The following ANKRD12 variants were observed in gnomAD, a reference collection of about 807,000 sequenced individuals.
ANKRD12 encodes the protein ankyrin repeat domain 12.
A neutral mutation model predicts 183.4 loss-of-function variants in ANKRD12; 85 were observed. The ratio of observed to expected loss-of-function variants is 0.46; its 90% CI spans 0.39 to 0.56. The LOEUF (loss-of-function observed/expected upper bound fraction) is 0.56, where lower values mean the gene tolerates loss of function less well. Ranked by LOEUF, ANKRD12 falls within the 20% of genes least tolerant of loss-of-function variation. ANKRD12 has a pLI of 0.00. For missense variants in ANKRD12, 2,405 were observed against 2,357.1 expected, an observed-to-expected ratio of 1.02 and a Z score of -0.42; for synonymous variants, 914 against 800.2, an observed-to-expected ratio of 1.14 and a Z score of -2.40.
In ANKRD12 at chr18:9,205,306, C is replaced by T. The variant is rs188041708; in HGVS notation, c.304+762C>T. ...ATTGGCTAACATTGTTATCTCTGAG[C>T]TTAAATAAAAATATGATTTTTTTTT... On this transcript the variant is annotated intron_variant, in intron 4 of 12. Coordinates refer to ENST00000262126, the MANE Select transcript of ANKRD12 (RefSeq NM_015208.5). Among the ~76,000 whole-genome samples, 967 of 128,832 alleles carry T rather than the reference C, an allele frequency of 7.5e-3. 7 individuals are homozygous for T. Among genetic ancestry groups the T allele is most frequent in the Middle Eastern group, 0.02 (5 of 252 alleles). The allele number at this position is 128,832 out of a possible 152,430, so 84.5% of individuals were successfully genotyped here.
Position 9,284,056 on chromosome 18 carries a change from T to C in ANKRD12, c.*2930T>C, listed in dbSNP as rs995721165. The C allele has an allele frequency of 1.3e-5, 2 of 152,224 alleles. No individual in the cohort carries two copies. Among genetic ancestry groups the C allele is most frequent in the African/African-American group, 4.8e-5 (2 of 41,438 alleles). 9.4% of individuals were successfully genotyped at this position (152,224 alleles called of 1,614,324 possible). ...AAAGTTTTGTTTATACTATATTAAG[T>C]GTGCAATAGCATTATGTCTAAAAAT... On this transcript the variant is annotated 3_prime_UTR_variant, in exon 13 of 13. Transcript: ENST00000262126.
At chr18:9,161,802 A>C (rs1407637419) in intron 1 of ANKRD12, among the ~76,000 whole-genome samples, 7 of 151,952 alleles carry the variant, frequency 4.6e-5, no homozygotes, top group Non-Finnish European at 8.8e-5. Flanking sequence ...CAAGCTAATT[A>C]ACACATTCAT....
intron 3 of ANKRD12, among the ~76,000 whole-genome samples, chr18:9,196,108 AACACACACACACACACACACACAC>A (rs36156556): frequency 3.1e-5 from 2 of 64,110 alleles, no homozygotes; most frequent in Admixed American, 1.8e-4. Context: ...GAAACATGCA[AACACACACACACACACACACACAC>A]ACACACACAC....
chr18:9,151,421 C>G (rs1370601096), intron 1 of ANKRD12, among the ~76,000 whole-genome samples: 1 of 152,094 alleles, frequency 6.6e-6, no homozygotes, highest in Admixed American at 6.5e-5. Flanking sequence ...ATTTAAGAAG[C>G]AGAATTTTGG....
At chr18:9,275,348 C>T (rs1190309447) in intron 10 of ANKRD12, among the ~76,000 whole-genome samples, 176 bp from the exon 11 acceptor site, 2 of 152,066 alleles carry the variant, frequency 1.3e-5, no homozygotes, top group African/African-American at 4.8e-5. Context: ...TGGCACATGC[C>T]TGTAGTCCCA....
intron 1 of ANKRD12, among the ~76,000 whole-genome samples, chr18:9,160,053 T>G (rs1029234699): frequency 5.3e-5 from 8 of 152,102 alleles, no homozygotes; most frequent in Admixed American, 2.0e-4. Context: ...GCAGATCACT[T>G]GAGCTCAGGA....
intron 8 of ANKRD12, among the ~76,000 whole-genome samples, chr18:9,234,029 T>G (rs1192905221): frequency 2.0e-5 from 3 of 151,418 alleles, no homozygotes; most frequent in Non-Finnish European, 4.4e-5. Flanking sequence ...AATGCTGGTG[T>G]TGGCAGTGGC....
intron 10 of ANKRD12, among the ~76,000 whole-genome samples, chr18:9,265,469 A>T (rs2039235113): frequency 6.6e-6 from 1 of 152,170 alleles, no homozygotes; most frequent in African/African-American, 2.4e-5. Context: ...GCTGTTCACC[A>T]ATATCTGCTG....
chr18:9,138,813 T>C (rs1041262554), intron 1 of ANKRD12, among the ~76,000 whole-genome samples: 4 of 152,224 alleles, frequency 2.6e-5, no homozygotes, highest in Non-Finnish European at 5.9e-5. Context: ...CTGGAGATTA[T>C]AGACAAGGGG....
intron 1 of ANKRD12, among the ~76,000 whole-genome samples, chr18:9,144,125 G>C (rs1352255985): frequency 6.6e-6 from 1 of 151,946 alleles, no homozygotes; most frequent in Non-Finnish European, 1.5e-5. Context: ...ATCATATCCT[G>C]TGGCCATTTT....
rs200916960 is a variant in ANKRD12 at position 9,256,729 on chromosome 18, A to G, written c.3462A>G (p.Lys1154=). The change falls in exon 9 of 13, where the codon AAA becomes AAG. Residue 1154 remains lysine (K), a synonymous_variant. Transcript: ENST00000262126. ...SEVTDAYTKE[K]QPKDAVSNRS... is the part of the protein sequence containing the mutation. ...TGACTGATGCATATACCAAGGAGAAACAACCTAAAGATGCTGTAAGTAACA... is the reference window on the plus strand; with the variant it reads ...TGACTGATGCATATACCAAGGAGAAGCAACCTAAAGATGCTGTAAGTAACA... 8.1e-6 allele frequency: 13 copies of G among 1,611,960 alleles called. No homozygotes were observed. Among genetic ancestry groups the G allele is most frequent in the Non-Finnish European group, 1.1e-5 (13 of 1,179,436 alleles).
chr18:9,157,555 G>GTATGTGTGTGTGTA (rs199894678), intron 1 of ANKRD12, among the ~76,000 whole-genome samples: 5 of 84,186 alleles, frequency 5.9e-5, no homozygotes, highest in African/African-American at 2.3e-4. Flanking sequence ...GTGTGGGTGT[G>GTATGTGTGTGTGTA]TGTGTGTGTG....
In ANKRD12 at chr18:9,255,949, TAAA is replaced by T. The variant is rs1567974406; in HGVS notation, c.2687_2689del (p.Lys896del). ...AGAAGAGCAAAAATACTGCTGCTAT[TAAA>T]AAAACTGACGACAGAGAGAAAAGTA... On this transcript the variant is annotated inframe_deletion, in exon 9 of 13. Transcript: ENST00000262126. The T allele has an allele frequency of 6.3e-7, 1 of 1,577,350 alleles. No individual in the cohort carries two copies. The highest frequency in any genetic ancestry group is 8.6e-7 in the Non-Finnish European group (1 of 1,169,582).
chr18:9,262,118 C>T (rs1372623561), intron 9 of ANKRD12, among the ~76,000 whole-genome samples: 1 of 152,138 alleles, frequency 6.6e-6, no homozygotes, highest in Non-Finnish European at 1.5e-5. Context: ...TGTTATTTAA[C>T]ATGTTTTCAG....
At chr18:9,214,432 C>T (rs2035979323) in intron 6 of ANKRD12, among the ~76,000 whole-genome samples, 1 of 152,028 alleles carries the variant, frequency 6.6e-6, no homozygotes, top group Non-Finnish European at 1.5e-5. Flanking sequence ...TTGTGGTGAG[C>T]TCAAATATTG....
At chr18:9,247,700 G>T (rs1480093026) in intron 8 of ANKRD12, among the ~76,000 whole-genome samples, 1 of 151,974 alleles carries the variant, frequency 6.6e-6, no homozygotes. Flanking sequence ...GGAATTTTCT[G>T]TTGAAATAAC....
At chr18:9,193,999 T>C (rs1361012154) in intron 2 of ANKRD12, among the ~76,000 whole-genome samples, 1 of 152,218 alleles carries the variant, frequency 6.6e-6, no homozygotes, top group African/African-American at 2.4e-5. Flanking sequence ...GGTATGTCAT[T>C]CTTTTTCTAA....
At chr18:9,274,370 A>G (rs2145438731) in intron 10 of ANKRD12, among the ~76,000 whole-genome samples, 1 of 152,378 alleles carries the variant, frequency 6.6e-6, no homozygotes. Context: ...AAAATGGGAT[A>G]AAGTACTGAT....
At chr18:9,186,552 T>G (rs1474299739) in intron 2 of ANKRD12, among the ~76,000 whole-genome samples, 1 of 152,092 alleles carries the variant, frequency 6.6e-6, no homozygotes, top group African/African-American at 2.4e-5. Context: ...TTGTTAGAAG[T>G]ATTTTCCTCA....
Sources: allele counts gnomAD v4.1 joint callset (sites outside exome capture counted in the v4.1 genomes callset), GRCh38; gene constraint gnomAD v4.1.1; transcripts MANE v1.5; gene names NCBI Gene and HGNC (gene_info 2026-07-23, HGNC 2026-07-21).